GASK1A: variants seen among roughly 807,000 people sequenced by gnomAD.
GASK1A encodes Golgi-associated kinase 1A.
Under a neutral mutation model 41.2 loss-of-function variants are expected in GASK1A, and 40 were observed. The observed-to-expected ratio is 0.97, with a 90% CI of 0.75 to 1.27. The LOEUF (loss-of-function observed/expected upper bound fraction) is 1.27, where lower values mean the gene tolerates loss of function less well. Among genes scored for constraint, GASK1A ranks in the 50% most tolerant of loss-of-function variants. The pLI is 0.00. For missense variants in GASK1A, 678 were observed against 745.1 expected, an observed-to-expected ratio of 0.91 and a Z score of 1.05; for synonymous variants, 316 against 307.1, an observed-to-expected ratio of 1.03 and a Z score of -0.30.
intron 1 of GASK1A, among the ~76,000 whole-genome samples, chr3:43,001,470 G>A (rs1256278476): frequency 6.6e-6 from 1 of 152,236 alleles, no homozygotes; most frequent in East Asian, 1.9e-4. Context: ...ATATTGGTCT[G>A]TGCTCAGCAG....
Position 42,984,738 on chromosome 3 carries a change from C to T in GASK1A, c.3+5093C>T, listed in dbSNP as rs1053643773. ...TACAGGCTCCTGCCTTTAAGGGTAC[C>T]GCTTTGCTTTAGAGCAGAAAGCAGG... On this transcript the variant is annotated intron_variant, in intron 1 of 4. Coordinates refer to ENST00000430121, the MANE Select transcript of GASK1A (RefSeq NM_001129908.3). The surrounding 1 kb of genome is among the most constrained non-coding windows in gnomAD (Gnocchi z 4.2). Among the ~76,000 whole-genome samples, 109 of 152,250 alleles carry T rather than the reference C, an allele frequency of 7.2e-4. No homozygotes were observed. The highest frequency in any genetic ancestry group is 2.3e-3 in the African/African-American group (95 of 41,542).
intron 1 of GASK1A, among the ~76,000 whole-genome samples, chr3:42,994,992 C>A (rs2125675070): frequency 6.6e-6 from 1 of 152,288 alleles, no homozygotes; most frequent in South Asian, 2.1e-4. Flanking sequence ...GTGACCAGTA[C>A]AACCAGGAAT....
chr3:42,982,573 G>A (rs534193604), intron 1 of GASK1A, among the ~76,000 whole-genome samples: 5 of 152,256 alleles, frequency 3.3e-5, no homozygotes, highest in Non-Finnish European at 5.9e-5. Context: ...GCTCAGTACC[G>A]TGATTTTGAT....
chr3:42,986,619 G>A (rs980965882), intron 1 of GASK1A, among the ~76,000 whole-genome samples: 1 of 148,862 alleles, frequency 6.7e-6, no homozygotes, highest in Admixed American at 6.6e-5. Context: ...TCCTGGAGAT[G>A]GGGCTGGGGC....
chr3:43,016,772 G>A (rs2089493614), intron 1 of GASK1A, among the ~76,000 whole-genome samples: 3 of 149,636 alleles, frequency 2.0e-5, no homozygotes, highest in Admixed American at 6.6e-5. Context: ...AGGAAGGGAC[G>A]GTGGGAAGTT....
chr3:43,018,151 T>C (rs2125682201), intron 1 of GASK1A, among the ~76,000 whole-genome samples: 1 of 152,348 alleles, frequency 6.6e-6, no homozygotes, highest in East Asian at 1.9e-4. Context: ...CTTAGCACCC[T>C]CCTATACTCA....
chr3:43,036,606 A>G (rs1346275593), intron 2 of GASK1A, among the ~76,000 whole-genome samples: 1 of 152,240 alleles, frequency 6.6e-6, no homozygotes, highest in Non-Finnish European at 1.5e-5. Context: ...AACACTGTGT[A>G]ACAAACCTCC....
chr3:43,037,386 A>G, intron 2 of GASK1A: 1 of 962,994 alleles, frequency 1.0e-6, no homozygotes. Context: ...AAATGCACTA[A>G]GTACAGACAG....
intron 2 of GASK1A, chr3:43,037,091 C>T (rs993196662): frequency 6.2e-6 from 4 of 649,150 alleles, no homozygotes; most frequent in Non-Finnish European, 1.1e-5. Context: ...GCTGACCCTG[C>T]GATTGCACAA....
At chr3:43,012,335 G>A (rs1420706553) in intron 1 of GASK1A, among the ~76,000 whole-genome samples, 1 of 150,718 alleles carries the variant, frequency 6.6e-6, no homozygotes, top group East Asian at 2.0e-4. Flanking sequence ...AAGGGGCAGT[G>A]TGAAGCCACT....
At position 43,056,957 on chromosome 3, in the gene GASK1A, T is replaced by C. The variant is rs1057078214; in HGVS notation, c.*571T>C. On this transcript the variant is annotated 3_prime_UTR_variant, in exon 5 of 5. Coordinates refer to ENST00000430121, the MANE Select transcript of GASK1A (RefSeq NM_001129908.3). ...GTAATACATGCTCAGTAAAAACAAG[T>C]CCATAAAAAATAGAAGCATATGACA... 3 of 152,060 alleles carry C rather than the reference T, an allele frequency of 2.0e-5. No individual in the cohort carries two copies. The highest frequency in any genetic ancestry group is 7.3e-5 in the African/African-American group (3 of 41,370). 9.4% of individuals were successfully genotyped at this position (152,060 alleles called of 1,614,324 possible).
intron 1 of GASK1A, among the ~76,000 whole-genome samples, chr3:43,030,855 G>A (rs756304744): frequency 7.9e-5 from 12 of 152,160 alleles, no homozygotes; most frequent in Non-Finnish European, 1.5e-4. Flanking sequence ...GTACTTTTGA[G>A]AGAAAGCAGG....
chr3:43,023,447 A>C (rs1435612791), intron 1 of GASK1A, among the ~76,000 whole-genome samples: 2 of 152,206 alleles, frequency 1.3e-5, no homozygotes, highest in Non-Finnish European at 2.9e-5. Flanking sequence ...TATGGCAGCT[A>C]CAGGAAACTA....
In GASK1A at chr3:43,006,303, A is replaced by G. The variant is rs546288922; in HGVS notation, c.4-25964A>G. ...CTTGTTTTGCATCTTTGTTTCCTGCATCCCATGTCTTCCTCTTTCTTGGCT... is the reference window on the plus strand; with the variant it reads ...CTTGTTTTGCATCTTTGTTTCCTGCGTCCCATGTCTTCCTCTTTCTTGGCT... On this transcript the variant is annotated intron_variant, in intron 1 of 4. Coordinates refer to ENST00000430121, the MANE Select transcript of GASK1A (RefSeq NM_001129908.3). Among the ~76,000 whole-genome samples, 11 of 152,212 alleles carry G rather than the reference A, an allele frequency of 7.2e-5. No individual in the cohort carries two copies. In the South Asian group the frequency reaches 2.1e-3, roughly 29 times the overall value.
rs557945801 is a variant in GASK1A, at chr3:43,006,021, A to T, written c.4-26246A>T. ...GGGACTGCTGTATTATATTATGATCACCTTTCCTTTCCTGGGCACCTTTCT... is the reference window on the plus strand; with the variant it reads ...GGGACTGCTGTATTATATTATGATCTCCTTTCCTTTCCTGGGCACCTTTCT... On this transcript the variant is annotated intron_variant, in intron 1 of 4. Transcript: ENST00000430121. 2.0e-5 allele frequency among the ~76,000 whole-genome samples: 3 copies of T among 151,994 alleles called. No individual in the cohort carries two copies. In the South Asian group the frequency reaches 6.3e-4, roughly 32 times the overall value.
At chr3:42,987,501 C>T (rs1374955021) in intron 1 of GASK1A, among the ~76,000 whole-genome samples, 2 of 152,074 alleles carry the variant, frequency 1.3e-5, no homozygotes, top group African/African-American at 4.8e-5. Context: ...AAAGATTGAT[C>T]AGATTATATG....
intron 3 of GASK1A, 89 bp downstream of exon 3, chr3:43,053,732 C>T: frequency 2.1e-6 from 3 of 1,421,000 alleles, no homozygotes; most frequent in Non-Finnish European, 2.9e-6. Flanking sequence ...TTTCAGAGAT[C>T]AGTTGATGCT....
At chr3:43,016,610 C>T (rs970544686) in intron 1 of GASK1A, among the ~76,000 whole-genome samples, 16 of 151,592 alleles carry the variant, frequency 1.1e-4, no homozygotes, top group Middle Eastern at 3.4e-3. Context: ...CAGGAAGGGG[C>T]TGTTTGAAGC....
At chr3:43,049,620 A>G (rs2089678910) in intron 2 of GASK1A, among the ~76,000 whole-genome samples, 1 of 152,170 alleles carries the variant, frequency 6.6e-6, no homozygotes, top group African/African-American at 2.4e-5. Context: ...TACTAGAATC[A>G]GTGGATATAT....
Sources: allele counts gnomAD v4.1 joint callset (sites outside exome capture counted in the v4.1 genomes callset), GRCh38; gene constraint gnomAD v4.1.1; non-coding constraint Gnocchi (gnomAD v3.1); transcripts MANE v1.5; gene names NCBI Gene and HGNC (gene_info 2026-07-23, HGNC 2026-07-21).